The following GALK2 variants were observed in gnomAD, a reference collection of about 807,000 sequenced individuals.
GALK2 encodes the protein N-acetylgalactosamine kinase.
A neutral mutation model predicts 52.4 loss-of-function variants in GALK2; 36 were observed. That is an observed-to-expected ratio of 0.69 (90% CI 0.53 to 0.91). GALK2 has a LOEUF of 0.91. Among genes scored for constraint, GALK2 ranks in the 40% least tolerant of loss-of-function variants. The pLI is 0.00. For synonymous variants in GALK2, 176 were observed against 199.1 expected (o/e 0.88, Z 0.98); for missense variants, 579 against 559.1 (o/e 1.04, Z -0.36).
At chr15:49,334,232 G>A (rs1319783389), downstream of GALK2, 2 of 982,828 alleles carry the variant, frequency 2.0e-6, no homozygotes, top group Non-Finnish European at 2.4e-6. Flanking sequence ...CAAGCTCCTT[G>A]TCAATTCTTT....
chr15:49,227,828 T>A (rs2090220286), intron 3 of GALK2, among the ~76,000 whole-genome samples: 1 of 152,156 alleles, frequency 6.6e-6, no homozygotes, highest in Non-Finnish European at 1.5e-5. Flanking sequence ...TATACTTTTA[T>A]GTGTTTTCCT....
intron 5 of GALK2, among the ~76,000 whole-genome samples, chr15:49,253,668 C>A (rs1167947131): frequency 6.9e-6 from 1 of 144,392 alleles, no homozygotes; most frequent in African/African-American, 2.5e-5. Flanking sequence ...TAAGGTACAA[C>A]TGCCAACTTC....
chr15:49,299,814 G>A (rs1204535563), intron 8 of GALK2, among the ~76,000 whole-genome samples: 7 of 117,946 alleles, frequency 5.9e-5, no homozygotes, highest in East Asian at 2.2e-4. Flanking sequence ...GTCTGAGAGC[G>A]TGATTGGTAT....
chr15:49,347,853 T>C (rs1220851353), intron 3 of GALK2, among the ~76,000 whole-genome samples: 4 of 151,952 alleles, frequency 2.6e-5, no homozygotes, highest in African/African-American at 9.7e-5. Context: ...ACCCCGTCTC[T>C]ACTAAAAATA....
intron 3 of GALK2, among the ~76,000 whole-genome samples, chr15:49,364,802 T>C (rs925024751): frequency 1.3e-5 from 2 of 152,090 alleles, no homozygotes; most frequent in Admixed American, 1.3e-4. Context: ...TATCTACCAT[T>C]AGAGTTGGAA....
intron 5 of GALK2, among the ~76,000 whole-genome samples, chr15:49,269,442 G>T (rs765789448): frequency 6.6e-6 from 1 of 152,126 alleles, no homozygotes; most frequent in Non-Finnish European, 1.5e-5. Flanking sequence ...CATTTTGGAA[G>T]ACAGGACAAA....
At chr15:49,223,157 GGTTT>G (rs1321262281) in intron 3 of GALK2, 3 of 151,980 alleles carry the variant, frequency 2.0e-5, no homozygotes, top group African/African-American at 7.3e-5. Context: ...TAGGTTTTCT[GGTTT>G]GTTTGTGTAT....
At chr15:49,316,579 C>T (rs760556081) in intron 8 of GALK2, among the ~76,000 whole-genome samples, 5 of 151,664 alleles carry the variant, frequency 3.3e-5, no homozygotes, top group Non-Finnish European at 5.9e-5. Flanking sequence ...CAAACCTGCA[C>T]GTTGTGCACA....
rs1368659657 is a variant in GALK2, at chr15:49,289,769, G to C, written c.757-2558G>C. Among the ~76,000 whole-genome samples the C allele has an allele frequency of 9.2e-5, 14 of 151,992 alleles. 1 individual carries two copies. The highest frequency in any genetic ancestry group is 9.2e-4 in the Admixed American group (14 of 15,272). On this transcript the variant is annotated intron_variant, in intron 7 of 9. Transcript: ENST00000560031. ...CCATTCCTCTCTTAATGCTTCTTAG[G>C]ATCACCTTCCCCTCAAATTCTTACC...
chr15:49,168,615 G>T (rs909233207), upstream of GALK2, among the ~76,000 whole-genome samples: 2 of 151,896 alleles, frequency 1.3e-5, no homozygotes, highest in African/African-American at 4.8e-5. Flanking sequence ...CTACTTGGGA[G>T]GCTGAGACGG....
chr15:49,277,059 C>T (rs1395806721), intron 5 of GALK2, among the ~76,000 whole-genome samples: 1 of 143,560 alleles, frequency 7.0e-6, no homozygotes, highest in African/African-American at 2.5e-5. Context: ...CTGCAAGCTC[C>T]GCCTCCTGGG....
intron 3 of GALK2, among the ~76,000 whole-genome samples, chr15:49,338,854 C>T (rs1175212886): frequency 4.6e-5 from 7 of 152,054 alleles, no homozygotes; most frequent in African/African-American, 1.7e-4. Context: ...CTAATCTTGT[C>T]TTCTTGCTTT....
chr15:49,201,984 T>C (rs1192353713), intron 2 of GALK2, among the ~76,000 whole-genome samples: 1 of 152,100 alleles, frequency 6.6e-6, no homozygotes, highest in Non-Finnish European at 1.5e-5. Context: ...TCACATCTGG[T>C]GATGGCCTTC....
intron 3 of GALK2, among the ~76,000 whole-genome samples, chr15:49,232,139 A>G (rs2090536669): frequency 6.6e-6 from 1 of 152,164 alleles, no homozygotes; most frequent in South Asian, 2.1e-4. Flanking sequence ...AGGCTTTTCT[A>G]CACATACTCT....
chr15:49,312,493 C>T (rs907244654), intron 8 of GALK2, among the ~76,000 whole-genome samples: 2 of 152,194 alleles, frequency 1.3e-5, no homozygotes, highest in African/African-American at 4.8e-5. Context: ...GAGGGCTGCA[C>T]TGTTGGCTTC....
chr15:49,351,604 C>T lies in GALK2; in HGVS notation c.427-15887C>T, dbSNP rs545362341. On this transcript the variant is annotated intron_variant, in intron 3 of 3. Coordinates refer to the GALK2 transcript ENST00000558399. ...ATACACCGTCCCAAGTTGGGTTTTC[C>T]GGAAAGCGGACCTAAAGACAAAGAT... Among the ~76,000 whole-genome samples the T allele has an allele frequency of 2.8e-4, 43 of 152,262 alleles. No homozygotes were observed. The South Asian group carries it at 7.5e-3, about 26-fold the overall frequency.
chr15:49,354,415 G>T (rs1355599699), intron 3 of GALK2, among the ~76,000 whole-genome samples: 1 of 151,854 alleles, frequency 6.6e-6, no homozygotes, highest in African/African-American at 2.4e-5. Context: ...GAAGCAGGGC[G>T]AGGCATTGCC....
chr15:49,355,625 G>A (rs1435788674), intron 3 of GALK2, among the ~76,000 whole-genome samples: 1 of 152,148 alleles, frequency 6.6e-6, no homozygotes, highest in Non-Finnish European at 1.5e-5. Flanking sequence ...TGGTGTACCT[G>A]AAAGTGATGG....
At chr15:49,242,170 A>C (rs2091127633) in intron 5 of GALK2, among the ~76,000 whole-genome samples, 1 of 152,210 alleles carries the variant, frequency 6.6e-6, no homozygotes, top group Admixed American at 6.5e-5. Flanking sequence ...GCTAGTTCAA[A>C]ATGCTCCTTT....
Sources: allele counts gnomAD v4.1 joint callset (sites outside exome capture counted in the v4.1 genomes callset), GRCh38; gene constraint gnomAD v4.1.1; transcripts MANE v1.5; gene names NCBI Gene and HGNC (gene_info 2026-07-23, HGNC 2026-07-21).